Variants in PLXNA4 observed in about 807,000 individuals in gnomAD.
PLXNA4 encodes plexin-A4.
In PLXNA4, 44 loss-of-function variants were observed where a neutral mutation model predicts 191.8. The observed-to-expected ratio is 0.23, with a 90% confidence interval of 0.18 to 0.29. PLXNA4 has a LOEUF of 0.29. Ranked by LOEUF, PLXNA4 falls within the 10% of genes least tolerant of loss-of-function variation. The pLI is 1.00. For synonymous variants in PLXNA4, 1,082 were observed against 1,009.5 expected, an observed-to-expected ratio of 1.07 and a Z score of -1.36; for missense variants, 1,800 against 2,488.8, an observed-to-expected ratio of 0.72 and a Z score of 5.89.
At chr7:132,512,288 C>T (rs1383775713) in intron 1 of PLXNA4, among the ~76,000 whole-genome samples, 6 of 152,234 alleles carry the variant, frequency 3.9e-5, no homozygotes, top group Admixed American at 3.3e-4. Context: ...TGTACATACA[C>T]ATGGATCCAT....
chr7:132,587,733 G>A (rs1802528612), intron 2 of PLXNA4, among the ~76,000 whole-genome samples: 2 of 151,816 alleles, frequency 1.3e-5, no homozygotes, highest in Non-Finnish European at 2.9e-5. Context: ...TGGGACGAAG[G>A]GAAGAGGCAG....
At chr7:132,379,527 C>A (rs916188038) in intron 3 of PLXNA4, among the ~76,000 whole-genome samples, 4 of 152,166 alleles carry the variant, frequency 2.6e-5, no homozygotes, top group East Asian at 1.9e-4. Context: ...TCCATGGAAG[C>A]CTTTGTTCTC....
chr7:132,468,734 GCACA>G (rs36218194), intron 3 of PLXNA4, among the ~76,000 whole-genome samples: 11 of 145,186 alleles, frequency 7.6e-5, no homozygotes, highest in Middle Eastern at 3.2e-3. Context: ...ATATGCACAC[GCACA>G]CACACACACA....
intron 3 of PLXNA4, among the ~76,000 whole-genome samples, chr7:132,316,899 C>G (rs1176607106): frequency 6.6e-6 from 1 of 152,162 alleles, no homozygotes; most frequent in African/African-American, 2.4e-5. Flanking sequence ...GTTGCTTGAG[C>G]CTAGCTGTGT....
intron 22 of PLXNA4, among the ~76,000 whole-genome samples, chr7:132,166,645 G>T (rs1455190370): frequency 6.6e-6 from 1 of 151,822 alleles, no homozygotes; most frequent in African/African-American, 2.4e-5. Flanking sequence ...GGGCAGCCGG[G>T]GGCAAGAAGA....
intron 3 of PLXNA4, among the ~76,000 whole-genome samples, chr7:132,322,428 C>T (rs2116645282): frequency 6.6e-6 from 1 of 152,272 alleles, no homozygotes; most frequent in Non-Finnish European, 1.5e-5. Flanking sequence ...AGTGATCCAC[C>T]CGCCTCGGCC....
chr7:132,599,370 C>T (rs759747213), intron 2 of PLXNA4, among the ~76,000 whole-genome samples: 22 of 152,318 alleles, frequency 1.4e-4, no homozygotes, highest in Non-Finnish European at 2.8e-4. Flanking sequence ...TTGAGCATAG[C>T]ATGTGTCTCC....
At chr7:132,193,442 A>G (rs1797156234) in intron 14 of PLXNA4, among the ~76,000 whole-genome samples, 1 of 152,234 alleles carries the variant, frequency 6.6e-6, no homozygotes, top group Admixed American at 6.5e-5. Context: ...AGCAGTAAAC[A>G]GACTAAGACA....
chr7:132,640,175 A>C (rs541943946), intron 2 of PLXNA4, among the ~76,000 whole-genome samples: 1 of 152,362 alleles, frequency 6.6e-6, no homozygotes, highest in East Asian at 1.9e-4. Flanking sequence ...GTGAGCCAAC[A>C]GATGTTCCTG....
chr7:132,258,636 G>C (rs545733213), intron 4 of PLXNA4, among the ~76,000 whole-genome samples: 1 of 152,270 alleles, frequency 6.6e-6, no homozygotes, highest in African/African-American at 2.4e-5. Flanking sequence ...TGACACTCAT[G>C]TGCACAATTC....
At chr7:132,137,502 C>G (rs960704182) in intron 30 of PLXNA4, among the ~76,000 whole-genome samples, 2 of 152,254 alleles carry the variant, frequency 1.3e-5, no homozygotes, top group Non-Finnish European at 2.9e-5. Flanking sequence ...GGTGATGACA[C>G]TGTTGTGTTT....
At chr7:132,550,525 T>C (rs1800515120) in intron 1 of PLXNA4, among the ~76,000 whole-genome samples, 1 of 152,192 alleles carries the variant, frequency 6.6e-6, no homozygotes, top group Non-Finnish European at 1.5e-5. Flanking sequence ...AGGCAATTAG[T>C]AGACACTTAA....
At position 132,469,080 on chromosome 7, in the gene PLXNA4, C is replaced by T. The variant is rs1315309056; in HGVS notation, c.1371+20212G>A. Among the ~76,000 whole-genome samples, 16 of 120,452 alleles carry T rather than the reference C, an allele frequency of 1.3e-4. No homozygotes were observed. In the East Asian group the frequency reaches 3.3e-3, roughly 25 times the overall value. The allele number at this position is 120,452 out of a possible 152,430, so 79.0% of individuals were successfully genotyped here. On this transcript the variant is annotated intron_variant, in intron 3 of 31. Transcript: ENST00000321063. ...CTAACCCCTACAGAGCTGGGTATCT[C>T]GTAGGGAAACTAAATTGAGCTCGGA...
intron 3 of PLXNA4, among the ~76,000 whole-genome samples, chr7:132,472,248 G>T (rs1796960435): frequency 6.6e-6 from 1 of 152,230 alleles, no homozygotes; most frequent in East Asian, 1.9e-4. Context: ...GGCCTAGCAA[G>T]GTCTTTTGGC....
chr7:132,584,000 G>A (rs1358511049), intron 2 of PLXNA4, among the ~76,000 whole-genome samples: 4 of 152,216 alleles, frequency 2.6e-5, no homozygotes, highest in Non-Finnish European at 5.9e-5. Flanking sequence ...TATGGGAATA[G>A]GCACATGCTA....
Position 132,125,624 on chromosome 7 carries a change from T to C in PLXNA4, c.*4855A>G, listed in dbSNP as rs186005368. On this transcript the variant is annotated 3_prime_UTR_variant, in exon 32 of 32. Coordinates refer to ENST00000321063, the MANE Select transcript of PLXNA4 (RefSeq NM_020911.2). ...CACAGTTTTGTTTTGTTTTGTTTTT[T>C]TTAAAGGAAGAGGCTGAGGGTTCAA... is the stretch of plus-strand genomic sequence containing the variant. 1 of 152,288 alleles carries C rather than the reference T, an allele frequency of 6.6e-6. No homozygotes were observed. Among genetic ancestry groups the C allele is most frequent in the Admixed American group, 6.5e-5 (1 of 15,292 alleles). 9.4% of individuals were successfully genotyped at this position (152,288 alleles called of 1,614,324 possible). A position where few individuals can be genotyped will look rare whatever the true frequency, so the allele number is the denominator to read the frequency against.
intron 4 of PLXNA4, among the ~76,000 whole-genome samples, chr7:132,296,023 C>T (rs1308198620): frequency 6.6e-6 from 1 of 152,180 alleles, no homozygotes; most frequent in African/African-American, 2.4e-5. Flanking sequence ...AATGGCAACA[C>T]CTGTGGACTT....
At chr7:132,420,658 A>G (rs1585111875) in intron 3 of PLXNA4, among the ~76,000 whole-genome samples, 1 of 152,238 alleles carries the variant, frequency 6.6e-6, no homozygotes, top group African/African-American at 2.4e-5. Flanking sequence ...ATTGTTGTGC[A>G]ACCATCACCA....
chr7:132,332,443 G>A (rs1802625239), intron 3 of PLXNA4, among the ~76,000 whole-genome samples: 1 of 152,284 alleles, frequency 6.6e-6, no homozygotes, highest in Admixed American at 6.5e-5. Flanking sequence ...GGCTGAGATG[G>A]TGCGAGCTAG....
Sources: allele counts gnomAD v4.1 joint callset (sites outside exome capture counted in the v4.1 genomes callset), GRCh38; gene constraint gnomAD v4.1.1; transcripts MANE v1.5; gene names NCBI Gene and HGNC (gene_info 2026-07-23, HGNC 2026-07-21).